Variants in PTPN9 observed in about 807,000 individuals in gnomAD.
PTPN9 encodes the protein protein tyrosine phosphatase non-receptor type 9, also known as tyrosine-protein phosphatase non-receptor type 9.
A neutral mutation model predicts 69.8 loss-of-function variants in PTPN9; 26 were observed. That is an observed-to-expected ratio of 0.37 (90% CI 0.27 to 0.52). The LOEUF is 0.52. PTPN9 is among the 20% of genes least tolerant of loss of function. PTPN9 has a pLI of 0.91. For missense variants in PTPN9, 549 were observed against 740.3 expected (o/e 0.74, Z 3.00); for synonymous variants, 274 against 272.5 (o/e 1.01, Z -0.05).
chr15:75,568,341 A>G (rs2075134953), intron 1 of PTPN9, among the ~76,000 whole-genome samples: 1 of 151,016 alleles, frequency 6.6e-6, no homozygotes, highest in Non-Finnish European at 1.5e-5. Flanking sequence ...ACAAATAAAA[A>G]ATAAAAAATC....
chr15:75,500,887 TA>T (rs1435024816), intron 7 of PTPN9, among the ~76,000 whole-genome samples: 1 of 151,014 alleles, frequency 6.6e-6, no homozygotes, highest in South Asian at 2.1e-4. Context: ...ACCCTGTCTC[TA>T]AAAAAAATAA....
intron 7 of PTPN9, among the ~76,000 whole-genome samples, chr15:75,505,206 A>C (rs1014293463): frequency 1.3e-5 from 2 of 150,576 alleles, no homozygotes; most frequent in South Asian, 2.1e-4. Context: ...CTCAGGGTTA[A>C]ATGGATTAAG....
intron 8 of PTPN9, chr15:75,480,935 G>T: frequency 9.6e-6 from 2 of 207,294 alleles, no homozygotes; most frequent in East Asian, 1.9e-4. Flanking sequence ...GCCGCCCATC[G>T]TCTGGGATGT....
At chr15:75,564,366 G>A (rs1180584917) in intron 1 of PTPN9, among the ~76,000 whole-genome samples, 2 of 152,022 alleles carry the variant, frequency 1.3e-5, no homozygotes, top group African/African-American at 2.4e-5. Context: ...AGGCTGAGGC[G>A]GGTAGATCAG....
chr15:75,488,596 T>G (rs1208712898), intron 8 of PTPN9, among the ~76,000 whole-genome samples: 4 of 150,172 alleles, frequency 2.7e-5, no homozygotes, highest in Admixed American at 6.7e-5. Flanking sequence ...AGGAAGAACT[T>G]AGGCAACACA....
intron 2 of PTPN9, among the ~76,000 whole-genome samples, chr15:75,524,812 A>G (rs1490209518): frequency 6.7e-6 from 1 of 149,296 alleles, no homozygotes; most frequent in Non-Finnish European, 1.5e-5. Context: ...GAATTCAGCT[A>G]AATGAATAAT....
chr15:75,477,750 T>C (rs2074604119), intron 9 of PTPN9, among the ~76,000 whole-genome samples: 1 of 152,016 alleles, frequency 6.6e-6, no homozygotes. Context: ...GGATACAATG[T>C]TGGCTAAAAA....
At chr15:75,522,277 G>C (rs1412954889) in intron 4 of PTPN9, among the ~76,000 whole-genome samples, 1 of 152,074 alleles carries the variant, frequency 6.6e-6, no homozygotes, top group African/African-American at 2.4e-5. Flanking sequence ...GACCTGAGCT[G>C]GTTCTTTATG....
chr15:75,543,342 A>G (rs1418864787), intron 1 of PTPN9, among the ~76,000 whole-genome samples: 1 of 152,176 alleles, frequency 6.6e-6, no homozygotes, highest in African/African-American at 2.4e-5. Context: ...ATCATACTCA[A>G]CACTGACAAG....
intron 1 of PTPN9, among the ~76,000 whole-genome samples, chr15:75,535,415 C>CA (rs1422535074): frequency 6.6e-6 from 1 of 152,188 alleles, no homozygotes; most frequent in Non-Finnish European, 1.5e-5. Context: ...TCCCTACTCT[C>CA]AGACTTCTCT....
intron 1 of PTPN9, among the ~76,000 whole-genome samples, chr15:75,544,436 G>A (rs996087938): frequency 3.9e-5 from 6 of 152,140 alleles, no homozygotes; most frequent in African/African-American, 1.4e-4. Context: ...AGGCTGAAGG[G>A]GGAGGATCAC....
chr15:75,463,712 A>C lies in PTPN9; in HGVS notation c.*5057T>G, dbSNP rs1308971038. The C allele has an allele frequency of 1.3e-5, 2 of 152,178 alleles. No individual in the cohort carries two copies. The highest frequency in any genetic ancestry group is 2.9e-5 in the Non-Finnish European group (2 of 68,022). The allele number at this position is 152,178 out of a possible 1,614,324, so 9.4% of individuals were successfully genotyped here. Reference sequence around the variant, plus strand: ...CTCCAAGTAAAAGTGATATATTTCTATTTGTGGAGAAGATCCTAGTCTTCT... The same window carrying C: ...CTCCAAGTAAAAGTGATATATTTCTCTTTGTGGAGAAGATCCTAGTCTTCT... On this transcript the variant is annotated 3_prime_UTR_variant, in exon 13 of 13. Coordinates refer to ENST00000618819, the MANE Select transcript of PTPN9 (RefSeq NM_002833.4).
intron 1 of PTPN9, among the ~76,000 whole-genome samples, chr15:75,534,477 C>A (rs2074974781): frequency 6.6e-6 from 1 of 151,980 alleles, no homozygotes; most frequent in African/African-American, 2.4e-5. Context: ...AGTTAGAGAC[C>A]AGCCTGGGCA....
At chr15:75,540,918 A>C (rs1229204290) in intron 1 of PTPN9, among the ~76,000 whole-genome samples, 2 of 151,800 alleles carry the variant, frequency 1.3e-5, no homozygotes, top group African/African-American at 4.8e-5. Flanking sequence ...TCTCTAAAAA[A>C]AAAATTAAAA....
At chr15:75,506,337 T>C (rs1356983500) in intron 6 of PTPN9, among the ~76,000 whole-genome samples, 3 of 152,176 alleles carry the variant, frequency 2.0e-5, no homozygotes, top group Non-Finnish European at 4.4e-5. Context: ...TGGTACTCTT[T>C]TTTTGGCCAC....
At chr15:75,504,924 GC>G (rs1462521851) in intron 7 of PTPN9, among the ~76,000 whole-genome samples, 6 of 151,932 alleles carry the variant, frequency 3.9e-5, no homozygotes, top group Admixed American at 3.3e-4. Flanking sequence ...GAAGTGAGGA[GC>G]CCCTCTGCCC....
chr15:75,470,647 C>T, intron 11 of PTPN9, 33 bp downstream of exon 11: 3 of 1,601,202 alleles, frequency 1.9e-6, no homozygotes, highest in Non-Finnish European at 2.6e-6. Flanking sequence ...CCCCCTGTTT[C>T]AACAAGGTGA....
chr15:75,520,152 G>C (rs1480674276), intron 4 of PTPN9, among the ~76,000 whole-genome samples: 2 of 152,026 alleles, frequency 1.3e-5, no homozygotes, highest in African/African-American at 2.4e-5. Context: ...CAAAGAAAAT[G>C]TGTGGCACAA....
intron 5 of PTPN9, among the ~76,000 whole-genome samples, chr15:75,510,221 T>G (rs1383476753): frequency 6.6e-6 from 1 of 152,092 alleles, no homozygotes; most frequent in Non-Finnish European, 1.5e-5. Flanking sequence ...AGTGCTTAGT[T>G]TTTTTGTTTG....
Sources: allele counts gnomAD v4.1 joint callset (sites outside exome capture counted in the v4.1 genomes callset), GRCh38; gene constraint gnomAD v4.1.1; transcripts MANE v1.5; gene names NCBI Gene and HGNC (gene_info 2026-07-23, HGNC 2026-07-21).